Variants in SYNCRIP observed in about 807,000 individuals in gnomAD.
SYNCRIP encodes the protein synaptotagmin binding cytoplasmic RNA interacting protein, also known as heterogeneous nuclear ribonucleoprotein Q.
A neutral mutation model predicts 68.9 loss-of-function variants in SYNCRIP; 9 were observed. The observed-to-expected ratio is 0.13, with a 90% CI of 0.08 to 0.23. SYNCRIP has a LOEUF of 0.23. SYNCRIP is among the 10% of genes least tolerant of loss of function. The pLI, the probability that SYNCRIP is intolerant of heterozygous loss-of-function variation, is 1.00. For missense variants in SYNCRIP, 414 were observed against 770.6 expected, an observed-to-expected ratio of 0.54 and a Z score of 5.48; for synonymous variants, 258 against 254.0, an observed-to-expected ratio of 1.02 and a Z score of -0.15.
intron 6 of SYNCRIP, among the ~76,000 whole-genome samples, chr6:85,632,444 T>C (rs1394912701): frequency 6.6e-6 from 1 of 152,192 alleles, no homozygotes; most frequent in Admixed American, 6.5e-5. Context: ...GCTTCCAAAG[T>C]ATGCGCCCTT....
At chr6:85,633,478 C>A (rs184510835) in intron 6 of SYNCRIP, among the ~76,000 whole-genome samples, 1 of 151,722 alleles carries the variant, frequency 6.6e-6, no homozygotes, top group East Asian at 1.9e-4. Context: ...GTAATCCCAG[C>A]TACTCAGGGG....
chr6:85,626,463 GA>G (rs1377539515), intron 6 of SYNCRIP, among the ~76,000 whole-genome samples: 1 of 152,050 alleles, frequency 6.6e-6, no homozygotes, highest in Non-Finnish European at 1.5e-5. Context: ...TTGGTATAAT[GA>G]GGGGGGGAAC....
At chr6:85,634,070 G>A (rs912332799) in intron 6 of SYNCRIP, among the ~76,000 whole-genome samples, 3 of 152,038 alleles carry the variant, frequency 2.0e-5, no homozygotes, top group Admixed American at 6.6e-5. Context: ...TAATTCCTAC[G>A]CCAATCAAAA....
intron 6 of SYNCRIP, among the ~76,000 whole-genome samples, chr6:85,631,339 CAAAA>C (rs71003000): frequency 6.5e-5 from 6 of 91,810 alleles, no homozygotes; most frequent in East Asian, 3.2e-4. Context: ...ACTGTGTCTC[CAAAA>C]AAAAAAAAAA....
At chr6:85,639,072 GTGGCACCCACCGGT>G (rs1281040170) in intron 4 of SYNCRIP, among the ~76,000 whole-genome samples, 1 of 152,064 alleles carries the variant, frequency 6.6e-6, no homozygotes, top group African/African-American at 2.4e-5. Flanking sequence ...GCTGGGCCTG[GTGGCACCCACCGGT>G]AGTCCCAGCT....
chr6:85,615,666 T>C (rs939947831), intron 10 of SYNCRIP, among the ~76,000 whole-genome samples: 1 of 152,204 alleles, frequency 6.6e-6, no homozygotes, highest in Non-Finnish European at 1.5e-5. Flanking sequence ...ACTTTAGGGC[T>C]GGGAGCGGTC....
At chr6:85,630,711 T>G (rs919805486) in intron 6 of SYNCRIP, among the ~76,000 whole-genome samples, 3 of 152,152 alleles carry the variant, frequency 2.0e-5, no homozygotes, top group Non-Finnish European at 2.9e-5. Context: ...AAATGGTCCA[T>G]GAGTTACATA....
intron 8 of SYNCRIP, among the ~76,000 whole-genome samples, chr6:85,621,905 C>G (rs1562084989): frequency 6.7e-6 from 1 of 148,730 alleles, no homozygotes; most frequent in Non-Finnish European, 1.5e-5. Context: ...AGTCAACTGT[C>G]TACAGCATGT....
intron 6 of SYNCRIP, among the ~76,000 whole-genome samples, chr6:85,632,814 A>T (rs1470186637): frequency 1.2e-4 from 19 of 152,206 alleles, no homozygotes; most frequent in Admixed American, 1.2e-3. Context: ...TGGTGCCCTC[A>T]TAGTCCTAGC....
intron 10 of SYNCRIP, among the ~76,000 whole-genome samples, chr6:85,616,128 A>G (rs1583243933): frequency 6.6e-6 from 1 of 152,348 alleles, no homozygotes; most frequent in Non-Finnish European, 1.5e-5. Context: ...CACACAAATC[A>G]GCATATGCTT....
intron 1 of SYNCRIP, among the ~76,000 whole-genome samples, chr6:85,641,681 A>C (rs1455694385): frequency 1.3e-5 from 2 of 152,074 alleles, no homozygotes. Context: ...TCACCTGCTA[A>C]CACTCCCTAG....
chr6:85,612,686 G>A (rs1245300195), downstream of SYNCRIP: 1 of 474,584 alleles, frequency 2.1e-6, no homozygotes, highest in Non-Finnish European at 3.6e-6. Context: ...TTGCACTGCA[G>A]AGAAAATTGT....
downstream of SYNCRIP, chr6:85,611,494 T>A (rs910734718): frequency 2.0e-5 from 3 of 152,514 alleles, no homozygotes; most frequent in African/African-American, 7.2e-5. Context: ...CTATTGGGTA[T>A]GTGATATAAC....
At chr6:85,616,568 C>T (rs1014730245) in intron 10 of SYNCRIP, among the ~76,000 whole-genome samples, 8 of 149,564 alleles carry the variant, frequency 5.3e-5, no homozygotes, top group Non-Finnish European at 1.2e-4. Context: ...GAATGATCCA[C>T]CCACCTCGGC....
intron 7 of SYNCRIP, among the ~76,000 whole-genome samples, chr6:85,623,571 A>AAAAAAAAAAAAAAAAAAAAAAAAAAC (rs1562087648): frequency 2.7e-5 from 4 of 147,874 alleles, no homozygotes; most frequent in African/African-American, 1.0e-4. Context: ...CCAAAAAAAA[A>AAAAAAAAAAAAAAAAAAAAAAAAAAC]AAAAAAAAAA....
chr6:85,618,850 T>C lies in SYNCRIP; in HGVS notation c.1248A>G (p.Arg416=). ...TTTTTGCTGCTTGCCTCTGAGCTTT[T>C]CTTTCTTTCCTTTTCTGATCTGGTG... ...AKPPDQKRKE[R]KAQRQAAKNQ... The change falls in exon 10 of 11, where the codon AGA becomes AGG. Residue 416 remains arginine, a synonymous_variant. Transcript: ENST00000369622. The C allele has an allele frequency of 6.2e-7, 1 of 1,612,550 alleles. No homozygotes were observed. Among genetic ancestry groups the C allele is most frequent in the Non-Finnish European group, 8.5e-7 (1 of 1,179,270 alleles).
At chr6:85,611,106 A>G (rs1383984379), downstream of SYNCRIP, 3 of 152,054 alleles carry the variant, frequency 2.0e-5, no homozygotes, top group Non-Finnish European at 4.4e-5. Context: ...TACTAAAATG[A>G]TTTATTTAGA....
intron 2 of SYNCRIP, among the ~76,000 whole-genome samples, chr6:85,640,776 T>G (rs554653757): frequency 6.6e-6 from 1 of 152,072 alleles, no homozygotes; most frequent in African/African-American, 2.4e-5. Context: ...ATCAGCTAAC[T>G]TCTTTTACAT....
chr6:85,623,579 A>AAAAAACAAAAAAAAAACAC (rs1554184894), intron 7 of SYNCRIP, among the ~76,000 whole-genome samples: 1 of 125,874 alleles, frequency 7.9e-6, no homozygotes. Context: ...AAAAAAAAAA[A>AAAAAACAAAAAAAAAACAC]AAAACACTCT....
Sources: allele counts gnomAD v4.1 joint callset (sites outside exome capture counted in the v4.1 genomes callset), GRCh38; gene constraint gnomAD v4.1.1; transcripts MANE v1.5; gene names NCBI Gene and HGNC (gene_info 2026-07-23, HGNC 2026-07-21).